GRIK2: variants seen among roughly 807,000 people sequenced by gnomAD.
GRIK2 encodes glutamate receptor ionotropic, kainate 2.
In GRIK2, 32 loss-of-function variants were observed where a neutral mutation model predicts 100.3. The observed-to-expected ratio is 0.32, with a 90% confidence interval of 0.24 to 0.43. GRIK2 has a LOEUF of 0.43. Ranked by LOEUF, GRIK2 falls within the 20% of genes least tolerant of loss-of-function variation. GRIK2 has a pLI of 1.00. For missense variants in GRIK2, 843 were observed against 1,114.9 expected (o/e 0.76, Z 3.47); for synonymous variants, 417 against 389.4 (o/e 1.07, Z -0.83).
chr6:101,680,340 G>A (rs1372627424), intron 5 of GRIK2, among the ~76,000 whole-genome samples: 2 of 152,084 alleles, frequency 1.3e-5, no homozygotes, highest in African/African-American at 4.8e-5. Flanking sequence ...TAGAATGCAT[G>A]GAGTCAAAAA....
intron 7 of GRIK2, among the ~76,000 whole-genome samples, chr6:101,750,863 C>T (rs9386290): frequency 0.18 from 28,009 of 152,026 alleles, 4,208 homozygotes; most frequent in East Asian, 0.52. Flanking sequence ...TTTCATTCAC[C>T]GCTTTTTAAC....
At chr6:102,010,501 A>T (rs570289800) in intron 14 of GRIK2, among the ~76,000 whole-genome samples, 1 of 152,088 alleles carries the variant, frequency 6.6e-6, no homozygotes, top group East Asian at 1.9e-4. Flanking sequence ...CTTCTGCCTC[A>T]GCCTCCCCAG....
At chr6:101,963,444 C>T (rs182923663) in intron 14 of GRIK2, among the ~76,000 whole-genome samples, 8 of 147,542 alleles carry the variant, frequency 5.4e-5, no homozygotes, top group Non-Finnish European at 1.2e-4. Context: ...ACTACAGGCG[C>T]CTGCCACAGC....
At chr6:101,406,628 A>C (rs1330638601) in intron 2 of GRIK2, among the ~76,000 whole-genome samples, 3 of 152,164 alleles carry the variant, frequency 2.0e-5, no homozygotes, top group Non-Finnish European at 4.4e-5. Flanking sequence ...TGTGACAGAG[A>C]TGCTCAGATA....
intron 12 of GRIK2, among the ~76,000 whole-genome samples, chr6:101,902,859 T>C (rs1049722604): frequency 2.6e-5 from 4 of 151,836 alleles, no homozygotes; most frequent in Admixed American, 1.3e-4. Context: ...TTAGAAGAAA[T>C]AGGTTCCCTC....
intron 11 of GRIK2, among the ~76,000 whole-genome samples, chr6:101,884,276 A>G (rs79904011): frequency 5.6e-4 from 86 of 152,264 alleles, no homozygotes; most frequent in African/African-American, 2.0e-3. Flanking sequence ...ATTCGTATGA[A>G]CTTACTACTT....
chr6:101,794,380 G>A (rs1780140427), intron 7 of GRIK2, among the ~76,000 whole-genome samples: 2 of 151,796 alleles, frequency 1.3e-5, no homozygotes, highest in Admixed American at 1.3e-4. Flanking sequence ...TTTCTTGTAG[G>A]CAGTATATAG....
intron 7 of GRIK2, among the ~76,000 whole-genome samples, chr6:101,790,172 T>A (rs1583155248): frequency 2.0e-5 from 3 of 152,124 alleles, no homozygotes; most frequent in African/African-American, 7.3e-5. Context: ...TTTGACTTCC[T>A]CTTTTCCTAA....
At chr6:101,733,032 T>C (rs577283543) in intron 7 of GRIK2, among the ~76,000 whole-genome samples, 2 of 152,078 alleles carry the variant, frequency 1.3e-5, no homozygotes, top group African/African-American at 2.4e-5. Context: ...TACTACCACA[T>C]TGGGAAATTA....
At chr6:101,518,219 T>C (rs1357575321) in intron 2 of GRIK2, among the ~76,000 whole-genome samples, 2 of 152,152 alleles carry the variant, frequency 1.3e-5, no homozygotes, top group Non-Finnish European at 2.9e-5. Context: ...GTTTGCTTAA[T>C]TTTAGTTAGA....
Position 101,585,195 on chromosome 6 carries a change from G to T in GRIK2, c.116-36754G>T, listed in dbSNP as rs755123450. On this transcript the variant is annotated intron_variant, in intron 2 of 16. Coordinates refer to ENST00000369134, the MANE Select transcript of GRIK2 (RefSeq NM_021956.5). ...TAATAAATTAGTAAGATAGACGTTT[G>T]GTCAAAAGTTATCGAATTTTCAAAA... is the stretch of plus-strand genomic sequence containing the variant. 4.0e-4 allele frequency among the ~76,000 whole-genome samples: 61 copies of T among 151,950 alleles called. 1 individual carries two copies. The highest frequency in any genetic ancestry group is 4.0e-4 in the Non-Finnish European group (27 of 67,926).
At chr6:101,841,900 G>A (rs1783529419) in intron 10 of GRIK2, among the ~76,000 whole-genome samples, 1 of 152,084 alleles carries the variant, frequency 6.6e-6, no homozygotes, top group Non-Finnish European at 1.5e-5. Flanking sequence ...CTGAAAAGAA[G>A]CTTTCAGTAA....
At chr6:101,471,224 G>T (rs978104418) in intron 2 of GRIK2, among the ~76,000 whole-genome samples, 1 of 151,994 alleles carries the variant, frequency 6.6e-6, no homozygotes. Flanking sequence ...ATTCTCTGAG[G>T]TTTATTTAGT....
intron 14 of GRIK2, among the ~76,000 whole-genome samples, chr6:101,955,538 C>G (rs1791863695): frequency 6.6e-6 from 1 of 151,350 alleles, no homozygotes; most frequent in Admixed American, 6.6e-5. Context: ...AATGCTCCCA[C>G]ACACCCAGAG....
At chr6:101,484,134 A>C (rs1772687687) in intron 2 of GRIK2, among the ~76,000 whole-genome samples, 1 of 152,228 alleles carries the variant, frequency 6.6e-6, no homozygotes. Flanking sequence ...CTGATTGCAA[A>C]AGACAACAAA....
At chr6:101,964,275 G>T (rs974427976) in intron 14 of GRIK2, among the ~76,000 whole-genome samples, 1 of 151,624 alleles carries the variant, frequency 6.6e-6, no homozygotes, top group Non-Finnish European at 1.5e-5. Flanking sequence ...ACATGATTTT[G>T]TGTATGATAT....
At chr6:101,860,536 A>G (rs913772923) in intron 11 of GRIK2, among the ~76,000 whole-genome samples, 3 of 152,196 alleles carry the variant, frequency 2.0e-5, no homozygotes, top group Non-Finnish European at 4.4e-5. Flanking sequence ...ATGGCATCAA[A>G]AAGTGAAGCA....
intron 14 of GRIK2, among the ~76,000 whole-genome samples, chr6:101,929,343 T>C (rs1242298618): frequency 1.3e-5 from 2 of 152,232 alleles, no homozygotes; most frequent in Non-Finnish European, 2.9e-5. Flanking sequence ...ATTACCACTT[T>C]ATAATTCCTT....
chr6:101,526,754 A>C (rs1242084063), intron 2 of GRIK2, among the ~76,000 whole-genome samples: 1 of 152,232 alleles, frequency 6.6e-6, no homozygotes, highest in African/African-American at 2.4e-5. Flanking sequence ...CACAGGTTGT[A>C]GCATAAACTG....
Sources: gnomAD v4.1 joint callset for allele counts (sites outside exome capture counted in the v4.1 genomes callset) on GRCh38, gnomAD v4.1.1 for gene constraint, MANE v1.5 for transcripts, NCBI Gene and HGNC (gene_info 2026-07-23, HGNC 2026-07-21) for gene names.